TCF25: variants seen among roughly 807,000 people sequenced by gnomAD.
TCF25 encodes the protein TCF25 ribosome quality control complex subunit.
Under a neutral mutation model 83.1 loss-of-function variants are expected in TCF25, and 41 were observed. The ratio of observed to expected loss-of-function variants is 0.49; its 90% CI spans 0.38 to 0.64. The LOEUF (loss-of-function observed/expected upper bound fraction) is 0.64. Among genes scored for constraint, TCF25 ranks in the 30% least tolerant of loss-of-function variants. The pLI is 0.00. For synonymous variants in TCF25, 458 were observed against 365.0 expected, an observed-to-expected ratio of 1.25 and a Z score of -2.90; for missense variants, 979 against 914.5, an observed-to-expected ratio of 1.07 and a Z score of -0.91.
chr16:89,910,470 C>T (rs2045471296), intron 16 of TCF25, 121 bp from the exon 17 acceptor site: 3 of 948,508 alleles, frequency 3.2e-6, no homozygotes, highest in Admixed American at 3.9e-5. Flanking sequence ...GCTGCTCTGC[C>T]CCCTGGCGGC....
In TCF25 at chr16:89,875,820, C is replaced by CTTTTTTTTTTT. The variant is rs1164528945; in HGVS notation, c.192+1979_192+1989dup. Among the ~76,000 whole-genome samples the CTTTTTTTTTTT allele has an allele frequency of 2.8e-3, 182 of 64,860 alleles. 32 individuals are homozygous for CTTTTTTTTTTT. In the Middle Eastern group the frequency reaches 0.056, roughly 20 times the overall value. 42.6% of individuals were successfully genotyped at this position (64,860 alleles called of 152,430 possible). A position where few individuals can be genotyped will look rare whatever the true frequency, so the allele number is the denominator to read the frequency against. ...TACAGGCGTGAGCCACTGCGCCTGGCTTTTTTTTTTTTTTTTTTTTTTTTT... is the reference window on the plus strand; with the variant it reads ...TACAGGCGTGAGCCACTGCGCCTGGCTTTTTTTTTTTTTTTTTTTTTTTTTTTTTTTTTTTT... On this transcript the variant is annotated intron_variant, in intron 1 of 17. Transcript: ENST00000263346.
chr16:89,893,914 C>T, intron 7 of TCF25, 56 bp downstream of exon 7: 2 of 1,548,142 alleles, frequency 1.3e-6, no homozygotes, highest in Non-Finnish European at 1.7e-6. Flanking sequence ...CACCACTGCC[C>T]TGGGCCGCCT....
intron 15 of TCF25, 116 bp downstream of exon 15, chr16:89,906,400 C>A: frequency 1.0e-6 from 1 of 993,710 alleles, no homozygotes; most frequent in Non-Finnish European, 1.5e-6. Flanking sequence ...AGCAGCCCAG[C>A]CCCGCCACGG....
At chr16:89,892,533 G>T (rs1342142891) in intron 6 of TCF25, among the ~76,000 whole-genome samples, 1 of 152,172 alleles carries the variant, frequency 6.6e-6, no homozygotes, top group Non-Finnish European at 1.5e-5. Context: ...CTGAGTGCTG[G>T]AGGCCTGGCC....
At chr16:89,875,667 C>T (rs1301261237) in intron 1 of TCF25, among the ~76,000 whole-genome samples, 10 of 151,016 alleles carry the variant, frequency 6.6e-5, no homozygotes, top group Non-Finnish European at 1.3e-4. Context: ...GGAACACAGG[C>T]GCCCGCCACC....
chr16:89,884,073 C>G (rs951751669), intron 2 of TCF25: 1 of 168,264 alleles, frequency 5.9e-6, no homozygotes, highest in Admixed American at 5.6e-5. Flanking sequence ...TGGGAACGTG[C>G]CTTTGCCCCC....
intron 11 of TCF25, among the ~76,000 whole-genome samples, chr16:89,900,193 G>T (rs1324417487): frequency 3.5e-5 from 5 of 144,772 alleles, no homozygotes; most frequent in African/African-American, 1.4e-4. Context: ...AAAGGCAAGA[G>T]AAACTGGCAC....
rs747789415 is a variant in TCF25, at chr16:89,904,846, C to A, written c.1470-92C>A. Reference sequence around the variant, plus strand: ...TCCAGGCCACAGGGCACTCCCTGGACCCCCCGTCTGCCCATCCATGGGGCT... The same window carrying A: ...TCCAGGCCACAGGGCACTCCCTGGAACCCCCGTCTGCCCATCCATGGGGCT... On this transcript the variant is annotated intron_variant, in intron 13 of 17. Coordinates refer to ENST00000263346, the MANE Select transcript of TCF25 (RefSeq NM_014972.3). 1.7e-5 allele frequency: 25 copies of A among 1,459,674 alleles called. No homozygotes were observed. In the South Asian group the frequency reaches 2.9e-4, roughly 17 times the overall value. The allele number at this position is 1,459,674 out of a possible 1,614,324, so 90.4% of individuals were successfully genotyped here.
At position 89,900,388 on chromosome 16, in the gene TCF25, G is replaced by A. The variant is rs113359302; in HGVS notation, c.1222-247G>A. 2.9e-3 allele frequency among the ~76,000 whole-genome samples: 434 copies of A among 151,986 alleles called. 4 individuals are homozygous for A. Among genetic ancestry groups the A allele is most frequent in the African/African-American group, 0.01 (421 of 41,514 alleles). The stretch of plus-strand genomic sequence containing the variant: ...GCAGGTGGGACCCTCACTCCCCACG[G>A]TGTCCTCGCTCCGGCTCAGTCTACT... On this transcript the variant is annotated intron_variant, in intron 11 of 17. Transcript: ENST00000263346.
At chr16:89,907,376 TTCCCAGCTCCCAGCTCCCA>T (rs2044908992) in intron 16 of TCF25, 54 bp downstream of exon 16, 1 of 176,126 alleles carries the variant, frequency 5.7e-6, no homozygotes, top group Non-Finnish European at 7.4e-6. Context: ...CTCCTCCCAG[TTCCCAGCTCCCAGCTCCCA>T]CCTCCCAGCT....
At chr16:89,900,091 G>A (rs1401323217) in intron 11 of TCF25, among the ~76,000 whole-genome samples, 1 of 152,174 alleles carries the variant, frequency 6.6e-6, no homozygotes, top group African/African-American at 2.4e-5. Context: ...TGATGATGGT[G>A]TTTAAGGTCA....
chr16:89,886,755 C>T (rs1166571923), intron 4 of TCF25, among the ~76,000 whole-genome samples: 3 of 151,118 alleles, frequency 2.0e-5, no homozygotes, highest in African/African-American at 7.3e-5. Context: ...AGCAAAACTC[C>T]GTCTCAAAAA....
intron 7 of TCF25, among the ~76,000 whole-genome samples, chr16:89,894,729 T>A (rs920424017): frequency 6.6e-6 from 1 of 152,172 alleles, no homozygotes; most frequent in East Asian, 1.9e-4. Flanking sequence ...ATTGGCGCAG[T>A]CTCGGCCCGG....
chr16:89,898,733 C>G, intron 10 of TCF25, 34 bp from the exon 11 acceptor site: 1 of 1,613,276 alleles, frequency 6.2e-7, no homozygotes, highest in Non-Finnish European at 8.5e-7. Flanking sequence ...GCCCCTGTTC[C>G]CCTTTGCTCT....
intron 6 of TCF25, among the ~76,000 whole-genome samples, chr16:89,893,140 G>A (rs1259440123): frequency 6.6e-6 from 1 of 152,212 alleles, no homozygotes; most frequent in Non-Finnish European, 1.5e-5. Flanking sequence ...GGGCCATCAA[G>A]AAGGTATCAC....
In TCF25 at chr16:89,873,878, C is replaced by CGG; in HGVS notation, c.192+21_192+22dup. ...CGAGCTGGTGAGGAGCGCGGCGGCC[C>CGG]GGGTGGGGGTGGGGTGGCCCTTGAC... is the stretch of plus-strand genomic sequence containing the variant. On this transcript the variant is annotated intron_variant, in intron 1 of 17. Coordinates refer to ENST00000263346, the MANE Select transcript of TCF25 (RefSeq NM_014972.3). 1 of 386,038 alleles carries CGG rather than the reference C, an allele frequency of 2.6e-6. No individual in the cohort carries two copies. Among genetic ancestry groups the CGG allele is most frequent in the Admixed American group, 9.8e-5 (1 of 10,212 alleles). 23.9% of individuals were successfully genotyped at this position (386,038 alleles called of 1,614,324 possible).
chr16:89,900,738 C>G lies in TCF25; in HGVS notation c.1325C>G (p.Ser442Cys). The G allele has an allele frequency of 6.2e-7, 1 of 1,600,034 alleles. No individual in the cohort carries two copies. The highest frequency in any genetic ancestry group is 1.7e-4 in the Middle Eastern group (1 of 6,024). ...QTDLPECEQS[S>C]ARQKASLLIQ... Reference sequence around the variant, plus strand: ...GACCTCCCTGAGTGTGAGCAGAGCTCTGCCAGGCAGAAGGCCTCTCTCCTG... The same window carrying G: ...GACCTCCCTGAGTGTGAGCAGAGCTGTGCCAGGCAGAAGGCCTCTCTCCTG... The change falls in exon 12 of 18, where the codon TCT becomes TGT. Residue 442 changes from serine to cysteine, a missense_variant. Transcript: ENST00000263346.
chr16:89,905,874 C>G (rs1426589331), intron 14 of TCF25, among the ~76,000 whole-genome samples: 2 of 152,214 alleles, frequency 1.3e-5, no homozygotes, highest in Non-Finnish European at 2.9e-5. Context: ...GGTGACACAC[C>G]CAGGTGTCCC....
chr16:89,898,999 C>A, intron 11 of TCF25, 127 bp downstream of exon 11: 3 of 872,152 alleles, frequency 3.4e-6, no homozygotes, highest in Non-Finnish European at 5.4e-6. Context: ...GAGGGCAGAA[C>A]CACGTCCTCC....
Sources: gnomAD v4.1 joint callset for allele counts (sites outside exome capture counted in the v4.1 genomes callset) on GRCh38, gnomAD v4.1.1 for gene constraint, MANE v1.5 for transcripts, NCBI Gene and HGNC (gene_info 2026-07-23, HGNC 2026-07-21) for gene names.